The following ADAM32 variants were observed in gnomAD, a reference collection of about 807,000 sequenced individuals.
ADAM32 encodes disintegrin and metalloproteinase domain-containing protein 32.
A neutral mutation model predicts 114.9 loss-of-function variants in ADAM32; 89 were observed. That is an observed-to-expected ratio of 0.77 (90% confidence interval 0.65 to 0.92). The LOEUF is 0.92. ADAM32 is among the 40% of genes least tolerant of loss of function. The pLI is 0.00. For missense variants in ADAM32, 870 were observed against 932.8 expected (o/e 0.93, Z 0.88); for synonymous variants, 285 against 307.5 (o/e 0.93, Z 0.77).
At chr8:39,245,823 A>T (rs1257895414) in intron 16 of ADAM32, among the ~76,000 whole-genome samples, 1 of 152,184 alleles carries the variant, frequency 6.6e-6, no homozygotes, top group Non-Finnish European at 1.5e-5. Flanking sequence ...GCTTTTTGTT[A>T]TTGTTTTAAT....
chr8:39,218,873 A>G (rs867032010), intron 12 of ADAM32, among the ~76,000 whole-genome samples: 1 of 151,984 alleles, frequency 6.6e-6, no homozygotes, highest in African/African-American at 2.4e-5. Context: ...GTGGTAGAGC[A>G]TGTACCTGAA....
chr8:39,267,013 C>A (rs1311508852), intron 19 of ADAM32, among the ~76,000 whole-genome samples: 1 of 152,182 alleles, frequency 6.6e-6, no homozygotes, highest in Non-Finnish European at 1.5e-5. Flanking sequence ...AAGGTTAAAC[C>A]CCTGTTGCAC....
intron 2 of ADAM32, among the ~76,000 whole-genome samples, chr8:39,118,875 G>T (rs1221577989): frequency 6.6e-6 from 1 of 152,088 alleles, no homozygotes; most frequent in African/African-American, 2.4e-5. Context: ...GTAGAATGTT[G>T]CTATCAATCC....
intron 3 of ADAM32, among the ~76,000 whole-genome samples, chr8:39,138,163 G>A (rs373832463): frequency 1.3e-5 from 2 of 151,948 alleles, no homozygotes; most frequent in African/African-American, 4.8e-5. Context: ...TTTTTTGTGT[G>A]TATGTTTTTT....
chr8:39,109,549 AAAAAT>A (rs572008358), intron 1 of ADAM32, among the ~76,000 whole-genome samples: 137 of 152,282 alleles, frequency 9.0e-4, no homozygotes, highest in African/African-American at 3.0e-3. Flanking sequence ...CTCCATCTCA[AAAAAT>A]AAAATAAAAA....
chr8:39,136,774 T>C, intron 3 of ADAM32, 56 bp downstream of exon 3: 1 of 1,195,980 alleles, frequency 8.4e-7, no homozygotes, highest in East Asian at 2.8e-5. Context: ...AGCTGTTTAC[T>C]TGCAATAGAA....
chr8:39,252,413 G>GA (rs140292259), intron 17 of ADAM32, among the ~76,000 whole-genome samples: 4,067 of 140,170 alleles, frequency 0.029, 206 homozygotes, highest in African/African-American at 0.099. Context: ...AACAAAAAAT[G>GA]AAAAAAAAAA....
chr8:39,173,041 C>T (rs1296562348), intron 10 of ADAM32, among the ~76,000 whole-genome samples: 3 of 152,168 alleles, frequency 2.0e-5, no homozygotes, highest in Non-Finnish European at 2.9e-5. Context: ...GGGTGGATCA[C>T]GAGGTCAGGA....
chr8:39,274,831 G>T (rs997468627), intron 21 of ADAM32, among the ~76,000 whole-genome samples: 17 of 152,192 alleles, frequency 1.1e-4, no homozygotes, highest in African/African-American at 4.1e-4. Context: ...TGATGCTGGT[G>T]TAAACAAACC....
chr8:39,137,476 T>C (rs1198115343), intron 3 of ADAM32, among the ~76,000 whole-genome samples: 1 of 152,068 alleles, frequency 6.6e-6, no homozygotes, highest in Non-Finnish European at 1.5e-5. Flanking sequence ...AGATGAAAGA[T>C]GTAAACAAGC....
intron 10 of ADAM32, among the ~76,000 whole-genome samples, chr8:39,176,876 C>G (rs892244693): frequency 6.6e-6 from 1 of 152,046 alleles, no homozygotes; most frequent in African/African-American, 2.4e-5. Flanking sequence ...ACTCCTGTAT[C>G]GGGTGCTTAT....
chr8:39,261,040 C>A (rs1811991045), intron 19 of ADAM32, among the ~76,000 whole-genome samples: 1 of 152,054 alleles, frequency 6.6e-6, no homozygotes, highest in South Asian at 2.1e-4. Flanking sequence ...GCAGATATAT[C>A]ATCTCAAATA....
chr8:39,107,706 G>GCGCGTCCC (rs200029015), upstream of ADAM32: 4,690 of 1,547,434 alleles, frequency 3.0e-3, 89 homozygotes, highest in East Asian at 0.014. Flanking sequence ...CCCGGCGTCC[G>GCGCGTCCC]CGCGTCCCCG....
chr8:39,154,078 T>C (rs1804000621), intron 6 of ADAM32, among the ~76,000 whole-genome samples: 1 of 148,918 alleles, frequency 6.7e-6, no homozygotes, highest in East Asian at 2.0e-4. Flanking sequence ...CTGGGGTACA[T>C]GTGCAGAACG....
chr8:39,165,627 T>C (rs1189458727), intron 9 of ADAM32: 1 of 152,428 alleles, frequency 6.6e-6, no homozygotes, highest in African/African-American at 2.4e-5. Flanking sequence ...ATTTTCTGAG[T>C]AATTTTAAAA....
At chr8:39,237,715 C>G (rs572142389) in intron 16 of ADAM32, among the ~76,000 whole-genome samples, 1 of 152,144 alleles carries the variant, frequency 6.6e-6, no homozygotes, top group Admixed American at 6.5e-5. Flanking sequence ...TCCACCACAA[C>G]GGCCATAGCA....
At chr8:39,157,673 T>TG (rs1390705515) in intron 6 of ADAM32, 1 of 766,244 alleles carries the variant, frequency 1.3e-6, no homozygotes, top group East Asian at 3.0e-5. Context: ...CTCCAGAGCC[T>TG]GCTGCTTGGT....
At chr8:39,146,855 A>G (rs1803537740) in intron 3 of ADAM32, among the ~76,000 whole-genome samples, 2 of 152,372 alleles carry the variant, frequency 1.3e-5, no homozygotes, top group Admixed American at 6.5e-5. Context: ...CTACCTTTAT[A>G]TCAGGTTGAC....
chr8:39,113,207 C>T (rs1380875327), intron 1 of ADAM32, among the ~76,000 whole-genome samples: 1 of 152,190 alleles, frequency 6.6e-6, no homozygotes, highest in African/African-American at 2.4e-5. Flanking sequence ...CTAGGCCGTT[C>T]AGTCAAAAGA....
Sources: allele counts gnomAD v4.1 joint callset (sites outside exome capture counted in the v4.1 genomes callset), GRCh38; gene constraint gnomAD v4.1.1; transcripts MANE v1.5; gene names NCBI Gene and HGNC (gene_info 2026-07-23, HGNC 2026-07-21).